Variants in NUSAP1 observed in about 807,000 individuals in gnomAD.
NUSAP1 encodes nucleolar and spindle-associated protein 1.
In NUSAP1, 32 loss-of-function variants were observed where a neutral mutation model predicts 52.8. The observed-to-expected ratio is 0.61, with a 90% CI of 0.46 to 0.81. NUSAP1 has a LOEUF of 0.81. NUSAP1 is among the 40% of genes least tolerant of loss of function. The probability of loss-of-function intolerance (pLI) is 0.00; values close to 1 mark genes in which losing one functional copy is unlikely to be tolerated. For synonymous variants in NUSAP1, 195 were observed against 183.1 expected (o/e 1.06, Z -0.52); for missense variants, 499 against 522.3 (o/e 0.96, Z 0.43).
intron 2 of NUSAP1, among the ~76,000 whole-genome samples, chr15:41,346,828 A>T (rs867746562): frequency 2.3e-5 from 3 of 130,246 alleles, no homozygotes; most frequent in Non-Finnish European, 3.2e-5. Context: ...CCCCGTCTCA[A>T]AAATAAATAA....
chr15:41,362,249 A>G (rs1436397720), intron 6 of NUSAP1, among the ~76,000 whole-genome samples: 1 of 151,712 alleles, frequency 6.6e-6, no homozygotes, highest in African/African-American at 2.4e-5. Flanking sequence ...CTATTTATTT[A>G]TAATAAAAAG....
chr15:41,340,969 A>C (rs2048345590), intron 1 of NUSAP1, among the ~76,000 whole-genome samples: 1 of 152,198 alleles, frequency 6.6e-6, no homozygotes, highest in South Asian at 2.1e-4. Flanking sequence ...GAATAGAGCC[A>C]AGCCTGGTGG....
chr15:41,336,848 G>A (rs2048169950), intron 1 of NUSAP1, among the ~76,000 whole-genome samples: 1 of 150,668 alleles, frequency 6.6e-6, no homozygotes, highest in Admixed American at 6.6e-5. Context: ...CTACTTTTGA[G>A]GATAATTACT....
intron 8 of NUSAP1, among the ~76,000 whole-genome samples, chr15:41,373,448 CTTT>C (rs763340655): frequency 2.6e-5 from 3 of 117,282 alleles, no homozygotes; most frequent in Non-Finnish European, 3.5e-5. Context: ...AATTCATATT[CTTT>C]TTTTTTTTTT....
Position 41,373,574 on chromosome 15 carries a change from C to T in NUSAP1, c.1006+1890C>T, listed in dbSNP as rs943294439. On this transcript the variant is annotated intron_variant, in intron 8 of 10. Coordinates refer to ENST00000559596, the MANE Select transcript of NUSAP1 (RefSeq NM_016359.5). ...ACGCCATTCTCCTGCCTCAGCCTCC[C>T]GAGTAGCTGGGACTACAAGTGCCCG... Among the ~76,000 whole-genome samples, 16 of 151,204 alleles carry T rather than the reference C, an allele frequency of 1.1e-4. 1 individual carries two copies. Among genetic ancestry groups the T allele is most frequent in the Admixed American group, 5.9e-4 (9 of 15,140 alleles).
At chr15:41,369,108 C>T (rs1555431543) in intron 7 of NUSAP1, among the ~76,000 whole-genome samples, 1 of 151,886 alleles carries the variant, frequency 6.6e-6, no homozygotes, top group Non-Finnish European at 1.5e-5. Flanking sequence ...TTCAGTGACA[C>T]AGTAATGGCT....
intron 1 of NUSAP1, among the ~76,000 whole-genome samples, chr15:41,333,511 GAAAA>G (rs574461975): frequency 6.7e-6 from 1 of 149,746 alleles, no homozygotes. Flanking sequence ...GGACCTGTCA[GAAAA>G]AAAAAATCGA....
chr15:41,366,676 C>G (rs2049431112), intron 7 of NUSAP1, among the ~76,000 whole-genome samples: 1 of 152,302 alleles, frequency 6.6e-6, no homozygotes, highest in South Asian at 2.1e-4. Flanking sequence ...GTGTATCTCA[C>G]TGAGTTCCCT....
Position 41,349,252 on chromosome 15 carries a change from A to G in NUSAP1, c.306+11A>G. Reference sequence around the variant, plus strand: ...GACCCTGACTCACAGGTGAATGGAAATATACAAACTGAAAATAAACCACCT... The same window carrying G: ...GACCCTGACTCACAGGTGAATGGAAGTATACAAACTGAAAATAAACCACCT... On this transcript the variant is annotated intron_variant, in intron 3 of 10. Transcript: ENST00000559596. The G allele has an allele frequency of 1.9e-6, 3 of 1,602,076 alleles. No individual in the cohort carries two copies. The highest frequency in any genetic ancestry group is 2.6e-6 in the Non-Finnish European group (3 of 1,174,738).
Position 41,380,085 on chromosome 15 carries a change from CCT to C in NUSAP1, c.1233-4_1233-3del. The C allele has an allele frequency of 6.4e-7, 1 of 1,566,880 alleles. No individual in the cohort carries two copies. On this transcript the variant is annotated splice_polypyrimidine_tract_variant and splice_region_variant and intron_variant, in intron 10 of 10. Coordinates refer to ENST00000559596, the MANE Select transcript of NUSAP1 (RefSeq NM_016359.5). ...CCTAGAGCTTAATGTGTGACCTATCCCTCTCAGGGAAGAGCAACGGAAGAAAC... is the reference window on the plus strand; with the variant it reads ...CCTAGAGCTTAATGTGTGACCTATCCCTCAGGGAAGAGCAACGGAAGAAAC...
intron 1 of NUSAP1, among the ~76,000 whole-genome samples, chr15:41,335,203 A>C (rs933345955): frequency 6.7e-6 from 1 of 149,782 alleles, no homozygotes; most frequent in African/African-American, 2.4e-5. Flanking sequence ...AATTTAAATA[A>C]ATTTTACTAG....
intron 1 of NUSAP1, among the ~76,000 whole-genome samples, chr15:41,337,941 T>C (rs2048223687): frequency 6.8e-6 from 1 of 146,502 alleles, no homozygotes; most frequent in Non-Finnish European, 1.5e-5. Flanking sequence ...CTTTTTTTTT[T>C]TTTTTTTTTG....
intron 1 of NUSAP1, 119 bp from the exon 2 acceptor site, chr15:41,342,267 G>A (rs950229382): frequency 7.3e-6 from 5 of 684,298 alleles, no homozygotes; most frequent in Non-Finnish European, 1.3e-5. Context: ...CTAAGTAATG[G>A]TTCTAGTCCT....
At chr15:41,335,943 AT>A (rs1231265276) in intron 1 of NUSAP1, among the ~76,000 whole-genome samples, 4 of 150,700 alleles carry the variant, frequency 2.7e-5, no homozygotes, top group Non-Finnish European at 5.9e-5. Flanking sequence ...AATCTTGATA[AT>A]TTTACTAGTA....
intron 8 of NUSAP1, among the ~76,000 whole-genome samples, chr15:41,373,861 G>A (rs762254057): frequency 6.6e-6 from 1 of 151,940 alleles, no homozygotes; most frequent in Non-Finnish European, 1.5e-5. Context: ...AGCCATATCT[G>A]TTATCAGGGA....
Position 41,377,254 on chromosome 15 carries a change from C to G in NUSAP1, c.1182C>G (p.Asn394Lys). Residue 394 changes from asparagine (N) to lysine (K), a missense_variant, in exon 10 of 11, where the codon AAC becomes AAG. By Grantham distance (94) the Asn-to-Lys change is moderately conservative. Transcript: ENST00000559596. ...ATAATTATCTAAATCAACATGTCAA[C>G]AGAATTAACTTCTACAAGAAAACTT... is the stretch of plus-strand genomic sequence containing the variant. The part of the protein sequence containing the change: ...KENNYLNQHV[N>K]RINFYKKTYK... 1 of 1,541,104 alleles carries G rather than the reference C, an allele frequency of 6.5e-7. No homozygotes were observed. The highest frequency in any genetic ancestry group is 8.8e-7 in the Non-Finnish European group (1 of 1,140,502).
chr15:41,334,244 G>T (rs570427658), intron 1 of NUSAP1, among the ~76,000 whole-genome samples: 72 of 152,232 alleles, frequency 4.7e-4, no homozygotes, highest in Non-Finnish European at 9.3e-4. Flanking sequence ...TCAGCCTCCT[G>T]AGTAGCTGGG....
chr15:41,369,442 G>A (rs938894359), intron 7 of NUSAP1, among the ~76,000 whole-genome samples: 1 of 151,928 alleles, frequency 6.6e-6, no homozygotes, highest in Admixed American at 6.6e-5. Context: ...GAGGTCAGGA[G>A]TTCAAGACCA....
chr15:41,380,304 T>TGAAC lies in NUSAP1; in HGVS notation c.*118_*119insGAAC. 1 of 649,274 alleles carries TGAAC rather than the reference T, an allele frequency of 1.5e-6. No homozygotes were observed. Among genetic ancestry groups the TGAAC allele is most frequent in the East Asian group, 2.8e-5 (1 of 35,572 alleles). The allele number at this position is 649,274 out of a possible 1,614,324, so 40.2% of individuals were successfully genotyped here. A position where few individuals can be genotyped will look rare whatever the true frequency, so the allele number is the denominator to read the frequency against. ...GAGATCTTTTTCTGCTAACTGTTCA[T>TGAAC]AGTCTGTGTAGTGTCCATGGGTTCT... On this transcript the variant is annotated 3_prime_UTR_variant, in exon 11 of 11. Coordinates refer to ENST00000559596, the MANE Select transcript of NUSAP1 (RefSeq NM_016359.5).
Sources: allele counts gnomAD v4.1 joint callset (sites outside exome capture counted in the v4.1 genomes callset), GRCh38; gene constraint gnomAD v4.1.1; transcripts MANE v1.5; gene names NCBI Gene and HGNC (gene_info 2026-07-23, HGNC 2026-07-21).